INTS13: variants seen among roughly 807,000 people sequenced by gnomAD.
INTS13 encodes asunder, spermatogenesis regulator homolog (Drosphila).
In INTS13, 35 loss-of-function variants were observed where a neutral mutation model predicts 90.2. The observed-to-expected ratio is 0.39, with a 90% confidence interval of 0.30 to 0.51. INTS13 has a LOEUF of 0.51. INTS13 is among the 20% of genes least tolerant of loss of function. INTS13 has a pLI of 0.80. For missense variants in INTS13, 601 were observed against 851.2 expected (o/e 0.71, Z 3.66); for synonymous variants, 309 against 277.1 (o/e 1.11, Z -1.14).
At chr12:26,925,912 G>GT in intron 5 of INTS13, 61 bp from the exon 6 acceptor site, 1 of 1,193,498 alleles carries the variant, frequency 8.4e-7, no homozygotes, top group South Asian at 1.3e-5. Context: ...AATTCAAGCA[G>GT]GTAAACTACT....
intron 15 of INTS13, among the ~76,000 whole-genome samples, chr12:26,908,820 C>G (rs1318811831): frequency 6.6e-6 from 1 of 152,096 alleles, no homozygotes; most frequent in East Asian, 1.9e-4. Flanking sequence ...TAGAAAGTTA[C>G]AAGGAAAGGC....
At chr12:26,920,403 CTT>C (rs35574943) in intron 8 of INTS13, among the ~76,000 whole-genome samples, 63 of 142,678 alleles carry the variant, frequency 4.4e-4, no homozygotes, top group East Asian at 4.3e-4. Context: ...ATTTTTGACA[CTT>C]TTTTTTTTTT....
At chr12:26,908,344 CTAA>C (rs1565815446) in intron 15 of INTS13, among the ~76,000 whole-genome samples, 1 of 152,026 alleles carries the variant, frequency 6.6e-6, no homozygotes, top group Non-Finnish European at 1.5e-5. Context: ...TCAAAAAGAG[CTAA>C]TATTGTCATA....
intron 7 of INTS13, among the ~76,000 whole-genome samples, chr12:26,924,119 C>T (rs1380130591): frequency 6.6e-6 from 1 of 151,900 alleles, no homozygotes; most frequent in Non-Finnish European, 1.5e-5. Context: ...GGTAAAGGTT[C>T]AATTAAAATA....
chr12:26,919,774 GT>G (rs35628137), intron 8 of INTS13, among the ~76,000 whole-genome samples: 38,621 of 151,962 alleles, frequency 0.25, 5,008 homozygotes, highest in South Asian at 0.36. Flanking sequence ...TTTTGGGCAT[GT>G]TGAAGTGTAG....
chr12:26,927,603 A>T (rs1032113342), intron 5 of INTS13, among the ~76,000 whole-genome samples: 3 of 152,162 alleles, frequency 2.0e-5, no homozygotes, highest in African/African-American at 7.2e-5. Flanking sequence ...TAAAAATTTA[A>T]ATTTAAATTA....
Position 26,925,809 on chromosome 12 carries a change from G to A in INTS13, c.627C>T (p.Thr209=), listed in dbSNP as rs576510959. 15 of 1,613,014 alleles carry A rather than the reference G, an allele frequency of 9.3e-6. No homozygotes were observed. In the African/African-American group the frequency reaches 1.7e-4, roughly 19 times the overall value. Residue 209 remains threonine (T), a synonymous_variant, in exon 6 of 17, where the codon ACC becomes ACT. Coordinates refer to ENST00000261191, the MANE Select transcript of INTS13 (RefSeq NM_018164.3). ...IQKCELVLIH[T]YPVGEDSLVS... is the part of the protein sequence containing the mutation. ...CAAGGCTGTCTTCACCAACTGGGTA[G>A]GTGTGGATCAAGACCAACTCACATT...
At position 26,924,401 on chromosome 12, in the gene INTS13, T is replaced by C; in HGVS notation, c.758A>G (p.Gln253Arg). The C allele has an allele frequency of 6.2e-7, 1 of 1,613,344 alleles. No homozygotes were observed. The highest frequency in any genetic ancestry group is 8.5e-7 in the Non-Finnish European group (1 of 1,179,538). Reference protein sequence around the residue: ...LATKLNILVQQHFDLASTTIT... With the variant: ...LATKLNILVQRHFDLASTTIT... ...AGTAGTTGAAGCCAAGTCAAAATGT[T>C]GCTGTACTAAAATATTCAATTTGGT... Residue 253 changes from glutamine (Q) to arginine (R), a missense_variant, in exon 7 of 17, where the codon CAA becomes CGA. Coordinates refer to ENST00000261191, the MANE Select transcript of INTS13 (RefSeq NM_018164.3).
chr12:26,921,639 G>C (rs897908839), intron 8 of INTS13, among the ~76,000 whole-genome samples: 2 of 152,152 alleles, frequency 1.3e-5, no homozygotes, highest in Non-Finnish European at 2.9e-5. Flanking sequence ...AGTACCTGTG[G>C]TCAACTGCAG....
At chr12:26,914,149 A>ATCT in intron 12 of INTS13, 21 bp from the exon 13 acceptor site, 1 of 1,543,364 alleles carries the variant, frequency 6.5e-7, no homozygotes, top group Non-Finnish European at 8.7e-7. Context: ...TTTTTTAAAG[A>ATCT]AAAAAGAAAA....
chr12:26,914,599 T>G, intron 11 of INTS13, 21 bp from the exon 12 acceptor site: 1 of 1,570,690 alleles, frequency 6.4e-7, no homozygotes, highest in South Asian at 1.1e-5. Context: ...CCAAATAAGA[T>G]AAAATTAGAA....
At chr12:26,911,613 T>C (rs1453588371) in intron 14 of INTS13, among the ~76,000 whole-genome samples, 3 of 152,210 alleles carry the variant, frequency 2.0e-5, no homozygotes, top group Non-Finnish European at 4.4e-5. Context: ...GATGTGATCT[T>C]CAGAAGAAAT....
intron 3 of INTS13, among the ~76,000 whole-genome samples, chr12:26,932,181 T>C (rs764303491): frequency 2.0e-5 from 3 of 150,822 alleles, no homozygotes; most frequent in South Asian, 2.1e-4. Context: ...ATGAACAAGA[T>C]AGACATCAAC....
rs1247839304 is a variant in INTS13 at position 26,916,164 on chromosome 12, C to T, written c.1086G>A (p.Leu362=). 12 of 1,609,332 alleles carry T rather than the reference C, an allele frequency of 7.5e-6. No individual in the cohort carries two copies. The highest frequency in any genetic ancestry group is 1.0e-5 in the Non-Finnish European group (12 of 1,178,182). ...NFLLNGRSVL[L]EQPRKSGSKV... ...TAGAACCTGACTTTCGTGGTTGTTC[C>T]AATAAAACAGAACGACCTGTCAAAA... The change falls in exon 11 of 17, where the codon TTG becomes TTA. Residue 362 remains leucine, a synonymous_variant. Transcript: ENST00000261191.
At chr12:26,919,837 T>C (rs548529237) in intron 8 of INTS13, among the ~76,000 whole-genome samples, 1 of 152,146 alleles carries the variant, frequency 6.6e-6, no homozygotes, top group Non-Finnish European at 1.5e-5. Context: ...TATAAAGATC[T>C]GGAATTTAGG....
chr12:26,913,802 A>G lies in INTS13; in HGVS notation c.1575-115T>C, dbSNP rs1032665089. ...TCCTTCCTCTTACTTGGTACTTAAT[A>G]GTGAAATTCTAGGCTACAATATATC... On this transcript the variant is annotated intron_variant, in intron 13 of 16. Coordinates refer to ENST00000261191, the MANE Select transcript of INTS13 (RefSeq NM_018164.3). 6.9e-6 allele frequency: 8 copies of G among 1,152,802 alleles called. No homozygotes were observed. In the African/African-American group the frequency reaches 1.2e-4, roughly 18 times the overall value. 71.4% of individuals were successfully genotyped at this position (1,152,802 alleles called of 1,614,324 possible). A position where few individuals can be genotyped will look rare whatever the true frequency, so the allele number is the denominator to read the frequency against.
chr12:26,922,862 T>G (rs1023487728), intron 7 of INTS13, among the ~76,000 whole-genome samples, 162 bp from the exon 8 acceptor site: 1 of 152,158 alleles, frequency 6.6e-6, no homozygotes, highest in Admixed American at 6.5e-5. Context: ...AAGTGTTCCA[T>G]GCAACATAAA....
chr12:26,927,607 T>A (rs1937952255), intron 5 of INTS13, among the ~76,000 whole-genome samples: 1 of 152,182 alleles, frequency 6.6e-6, no homozygotes, highest in Admixed American at 6.5e-5. Context: ...AATTTAAATT[T>A]AAATTAAATT....
chr12:26,924,191 C>T (rs1291092476), intron 7 of INTS13, among the ~76,000 whole-genome samples, 164 bp downstream of exon 7: 1 of 152,020 alleles, frequency 6.6e-6, no homozygotes. Context: ...TGGGATCGTA[C>T]TATGTTGACC....
Sources: gnomAD v4.1 joint callset for allele counts (sites outside exome capture counted in the v4.1 genomes callset) on GRCh38, gnomAD v4.1.1 for gene constraint, MANE v1.5 for transcripts, NCBI Gene and HGNC (gene_info 2026-07-23, HGNC 2026-07-21) for gene names.